LRRC4C: variants seen among roughly 807,000 people sequenced by gnomAD.
LRRC4C encodes leucine rich repeat containing 4C.
LRRC4C carries 5 observed loss-of-function variants against 33.6 expected under a neutral mutation model. The observed-to-expected ratio is 0.15, with a 90% CI of 0.08 to 0.31. The LOEUF (loss-of-function observed/expected upper bound fraction) is 0.31. Among genes scored for constraint, LRRC4C ranks in the 10% least tolerant of loss-of-function variants. The pLI is 1.00. For missense variants in LRRC4C, 560 were observed against 796.7 expected, an observed-to-expected ratio of 0.70 and a Z score of 3.58; for synonymous variants, 329 against 302.0, an observed-to-expected ratio of 1.09 and a Z score of -0.93.
chr11:40,386,878 C>A (rs909176920), intron 3 of LRRC4C, among the ~76,000 whole-genome samples: 1 of 152,082 alleles, frequency 6.6e-6, no homozygotes, highest in Non-Finnish European at 1.5e-5. Context: ...GGGCTGTTTC[C>A]TTGGGTTTAT....
At chr11:41,091,225 A>G (rs1350663204) in intron 1 of LRRC4C, among the ~76,000 whole-genome samples, 1 of 151,882 alleles carries the variant, frequency 6.6e-6, no homozygotes, top group Non-Finnish European at 1.5e-5. Context: ...GATAGATAAT[A>G]GAGGAAGTTT....
chr11:40,442,223 C>T (rs1338214001), intron 3 of LRRC4C, among the ~76,000 whole-genome samples: 1 of 142,704 alleles, frequency 7.0e-6, no homozygotes, highest in Non-Finnish European at 1.5e-5. Flanking sequence ...TTGTAAAAGT[C>T]ATTACAAAAG....
At chr11:40,962,220 G>C (rs1388832672) in intron 1 of LRRC4C, among the ~76,000 whole-genome samples, 1 of 151,606 alleles carries the variant, frequency 6.6e-6, no homozygotes, top group Non-Finnish European at 1.5e-5. Flanking sequence ...TATGCTGTGA[G>C]CTTTGAAGAT....
chr11:41,276,259 A>G (rs1196545427), intron 1 of LRRC4C, among the ~76,000 whole-genome samples: 1 of 152,164 alleles, frequency 6.6e-6, no homozygotes, highest in Non-Finnish European at 1.5e-5. Context: ...GACCTGGAAC[A>G]TTCTTATCTC....
chr11:40,680,035 G>T, intron 2 of LRRC4C, among the ~76,000 whole-genome samples: 1 of 152,178 alleles, frequency 6.6e-6, no homozygotes, highest in East Asian at 1.9e-4. Flanking sequence ...CGCTACCCAA[G>T]ATTATGGGAA....
At chr11:40,387,068 C>T (rs1042040287) in intron 3 of LRRC4C, among the ~76,000 whole-genome samples, 1 of 151,948 alleles carries the variant, frequency 6.6e-6, no homozygotes, top group African/African-American at 2.4e-5. Flanking sequence ...ATTTTTGTTA[C>T]AAAATAAAAT....
rs533257551 is a variant in LRRC4C at position 40,978,724 on chromosome 11, C to T, written c.-495-45001G>A. ...GCAACCTCCGCCTCCCAGGTTCAAG[C>T]GATTCTCCTGCCTCAACCTCCCTAG... On this transcript the variant is annotated intron_variant, in intron 1 of 6. Transcript: ENST00000528697. Among the ~76,000 whole-genome samples, 6 of 151,306 alleles carry T rather than the reference C, an allele frequency of 4.0e-5. No individual in the cohort carries two copies. The East Asian group carries it at 9.8e-4, about 25-fold the overall frequency.
chr11:41,415,041 C>A (rs1954625695), intron 1 of LRRC4C, among the ~76,000 whole-genome samples: 1 of 152,134 alleles, frequency 6.6e-6, no homozygotes, highest in Admixed American at 6.5e-5. Context: ...TATTTAGACA[C>A]AATCTTCTTT....
intron 2 of LRRC4C, among the ~76,000 whole-genome samples, chr11:40,770,620 T>G (rs1480320637): frequency 6.6e-6 from 1 of 152,170 alleles, no homozygotes; most frequent in African/African-American, 2.4e-5. Context: ...AGACAAGACA[T>G]TTCCTTCTGC....
rs562200341 is a variant in LRRC4C, at chr11:40,546,238, A to G, written c.-270+101904T>C. ...CATACTCCCTGTTCTAACAGAGATC[A>G]CACATTGGTAGAGGAGATTATGGAA... On this transcript the variant is annotated intron_variant, in intron 3 of 6. Transcript: ENST00000528697. Among the ~76,000 whole-genome samples the G allele has an allele frequency of 2.0e-5, 3 of 152,086 alleles. No individual in the cohort carries two copies. In the South Asian group the frequency reaches 6.2e-4, roughly 31 times the overall value.
chr11:40,598,814 G>A (rs1959659404), intron 3 of LRRC4C, among the ~76,000 whole-genome samples: 1 of 152,146 alleles, frequency 6.6e-6, no homozygotes, highest in Non-Finnish European at 1.5e-5. Context: ...GGTGCTGGGG[G>A]AGGGAGGAAA....
intron 3 of LRRC4C, among the ~76,000 whole-genome samples, chr11:40,431,000 T>A (rs985333781): frequency 7.0e-6 from 1 of 142,912 alleles, no homozygotes; most frequent in East Asian, 2.2e-4. Flanking sequence ...TAATGCTAGA[T>A]GAGGAGTTAG....
Position 40,802,042 on chromosome 11 carries a change from G to T in LRRC4C, c.-407+131593C>A, listed in dbSNP as rs76123113. Reference sequence around the variant, plus strand: ...TTCCCCAACATATTCATTTTCCTCTGTGCTCACTGAAATAAAAAATACCTG... The same window carrying T: ...TTCCCCAACATATTCATTTTCCTCTTTGCTCACTGAAATAAAAAATACCTG... On this transcript the variant is annotated intron_variant, in intron 2 of 6. Coordinates refer to ENST00000528697, the MANE Select transcript of LRRC4C (RefSeq NM_001258419.2). Among the ~76,000 whole-genome samples the T allele has an allele frequency of 2.4e-3, 363 of 152,240 alleles. 2 individuals are homozygous for T. The highest frequency in any genetic ancestry group is 3.6e-3 in the Non-Finnish European group (248 of 68,024).
In LRRC4C at chr11:41,032,288, T is replaced by G. The variant is rs900492651; in HGVS notation, c.-495-98565A>C. 3.9e-5 allele frequency among the ~76,000 whole-genome samples: 6 copies of G among 152,176 alleles called. No homozygotes were observed. In the East Asian group the frequency reaches 1.2e-3, roughly 30 times the overall value. On this transcript the variant is annotated intron_variant, in intron 1 of 6. Coordinates refer to ENST00000528697, the MANE Select transcript of LRRC4C (RefSeq NM_001258419.2). ...GAGCTGAATCTTTAGGTTGAGATCA[T>G]ATACATCACAATTCTGGGAAGCAAT...
At chr11:41,297,997 T>C (rs1194099153) in intron 1 of LRRC4C, among the ~76,000 whole-genome samples, 1 of 152,176 alleles carries the variant, frequency 6.6e-6, no homozygotes, top group African/African-American at 2.4e-5. Context: ...AATCAGGAGA[T>C]GTATTCAGCT....
chr11:40,656,616 A>G (rs1177861894), intron 2 of LRRC4C, among the ~76,000 whole-genome samples: 1 of 152,140 alleles, frequency 6.6e-6, no homozygotes, highest in African/African-American at 2.4e-5. Flanking sequence ...CCCTTAGGAA[A>G]TTTACAAACC....
intron 1 of LRRC4C, among the ~76,000 whole-genome samples, chr11:41,279,431 G>A (rs565589780): frequency 6.2e-5 from 5 of 80,970 alleles, no homozygotes; most frequent in Admixed American, 3.2e-4. Flanking sequence ...CACACACACC[G>A]TGGCAATCAC....
intron 1 of LRRC4C, among the ~76,000 whole-genome samples, chr11:40,995,538 T>C (rs1334367848): frequency 6.6e-6 from 1 of 152,168 alleles, no homozygotes; most frequent in African/African-American, 2.4e-5. Context: ...GTCTAATCCA[T>C]CAAAAGAGCT....
chr11:40,806,445 G>A (rs1565084483), intron 2 of LRRC4C, among the ~76,000 whole-genome samples: 2 of 152,308 alleles, frequency 1.3e-5, no homozygotes, highest in South Asian at 4.1e-4. Flanking sequence ...TGGGGCAAAC[G>A]CCCCAAGAGG....
Sources: gnomAD v4.1 joint callset for allele counts (sites outside exome capture counted in the v4.1 genomes callset) on GRCh38, gnomAD v4.1.1 for gene constraint, MANE v1.5 for transcripts, NCBI Gene and HGNC (gene_info 2026-07-23, HGNC 2026-07-21) for gene names.